Variants in TBK1 observed in about 807,000 individuals in gnomAD.
TBK1 encodes the protein serine/threonine-protein kinase TBK1.
In TBK1, 37 loss-of-function variants were observed where a neutral mutation model predicts 99.9. That is an observed-to-expected ratio of 0.37 (90% CI 0.28 to 0.49). The LOEUF is 0.49. Among genes scored for constraint, TBK1 ranks in the 20% least tolerant of loss-of-function variants. The pLI is 0.98. For synonymous variants in TBK1, 258 were observed against 279.8 expected (o/e 0.92, Z 0.78); for missense variants, 644 against 872.5 (o/e 0.74, Z 3.30).
chr12:64,475,479 G>A (rs916931521), intron 6 of TBK1, among the ~76,000 whole-genome samples: 1 of 152,110 alleles, frequency 6.6e-6, no homozygotes, highest in Non-Finnish European at 1.5e-5. Flanking sequence ...GTCCATCTTT[G>A]ATGCATTAAA....
chr12:64,501,300 T>G (rs2040985640), intron 20 of TBK1, 30 bp from the exon 21 acceptor site: 3 of 1,611,554 alleles, frequency 1.9e-6, no homozygotes, highest in Non-Finnish European at 2.5e-6. Context: ...CTTTTGAGAT[T>G]ACCTTTTTTT....
chr12:64,470,941 A>C (rs1225922216), intron 5 of TBK1, among the ~76,000 whole-genome samples: 1 of 152,218 alleles, frequency 6.6e-6, no homozygotes, highest in Non-Finnish European at 1.5e-5. Context: ...CTCTAGGCTG[A>C]AATTTAACCC....
intron 8 of TBK1, among the ~76,000 whole-genome samples, chr12:64,483,135 A>G (rs1416734431): frequency 6.6e-6 from 1 of 152,258 alleles, no homozygotes; most frequent in Non-Finnish European, 1.5e-5. Context: ...ACATTTTAAA[A>G]TAGCTAAAAA....
chr12:64,499,600 C>T (rs2040966129), intron 20 of TBK1, among the ~76,000 whole-genome samples: 2 of 148,552 alleles, frequency 1.3e-5, no homozygotes, highest in South Asian at 4.2e-4. Flanking sequence ...AATTATCTAA[C>T]TTTTATAGTA....
chr12:64,460,465 T>C, intron 3 of TBK1, 136 bp downstream of exon 3: 1 of 572,352 alleles, frequency 1.7e-6, no homozygotes, highest in South Asian at 3.5e-5. Context: ...CCTAAAGGAT[T>C]CTTGAATATA....
chr12:64,496,491 T>G, intron 16 of TBK1, 85 bp downstream of exon 16: 1 of 625,608 alleles, frequency 1.6e-6, no homozygotes. Context: ...AAGTTGAAAT[T>G]AATTACAATT....
intron 9 of TBK1, 119 bp downstream of exon 9, chr12:64,484,618 G>A (rs1002897058): frequency 2.1e-6 from 2 of 937,166 alleles, no homozygotes. Flanking sequence ...GGGGCATGGT[G>A]GCTTGCACCT....
rs1396706988 is a variant in TBK1, at chr12:64,490,041, A to C, written c.1443A>C (p.Val481=). 6.2e-7 allele frequency: 1 copy of C among 1,602,176 alleles called. No individual in the cohort carries two copies. The highest frequency in any genetic ancestry group is 1.3e-5 in the African/African-American group (1 of 74,530). ...CIRNIEKTVK[V]YEKLMKINLE... is the part of the protein sequence containing the mutation. ...TTTTCTCTTTTGACTTTTCATACAG[A>C]TATGAAAAGTTGATGAAGATCAACC... The change falls in exon 13 of 21, where the codon GTA becomes GTC. Residue 481 remains valine (V), a splice_region_variant and synonymous_variant. Transcript: ENST00000331710.
At chr12:64,496,795 GTCTA>G (rs1229442025) in intron 16 of TBK1, among the ~76,000 whole-genome samples, 150 bp from the exon 17 acceptor site, 1 of 152,096 alleles carries the variant, frequency 6.6e-6, no homozygotes, top group Non-Finnish European at 1.5e-5. Context: ...CTGCTATAAT[GTCTA>G]TCTTAGAAAC....
At position 64,501,206 on chromosome 12, in the gene TBK1, G is replaced by A. The variant is rs564408515; in HGVS notation, c.2139-124G>A. 318 of 858,172 alleles carry A rather than the reference G, an allele frequency of 3.7e-4. 4 individuals carry two copies. The South Asian group carries it at 4.9e-3, about 13-fold the overall frequency. The allele number at this position is 858,172 out of a possible 1,614,324, so 53.2% of individuals were successfully genotyped here. A position where few individuals can be genotyped will look rare whatever the true frequency, so the allele number is the denominator to read the frequency against. On this transcript the variant is annotated intron_variant, in intron 20 of 20. Coordinates refer to ENST00000331710, the MANE Select transcript of TBK1 (RefSeq NM_013254.4). ...CCAGTAAGAAATAGAACAAATCATAGTTACTTAAACTCTTTAAAAATAAAT... is the reference window on the plus strand; with the variant it reads ...CCAGTAAGAAATAGAACAAATCATAATTACTTAAACTCTTTAAAAATAAAT...
Position 64,480,066 on chromosome 12 carries a change from A to G in TBK1, c.756A>G (p.Ala252=). ...PSGAISGVQK[A]ENGPIDWSGD... ...GTGCAATATCTGGAGTACAGAAAGC[A>G]GAAAATGGACCAATTGACTGGAGTG... Residue 252 remains alanine, a synonymous_variant, in exon 7 of 21, where the codon GCA becomes GCG. Coordinates refer to ENST00000331710, the MANE Select transcript of TBK1 (RefSeq NM_013254.4). 6.2e-7 allele frequency: 1 copy of G among 1,613,398 alleles called. No homozygotes were observed. Among genetic ancestry groups the G allele is most frequent in the Non-Finnish European group, 8.5e-7 (1 of 1,179,574 alleles).
rs79531778 is a variant in TBK1, at chr12:64,455,737, A to T, written c.-31-103A>T. On this transcript the variant is annotated intron_variant, in intron 1 of 20. Transcript: ENST00000331710. ...ACTGTTTATACACTTCATGTCAGTA[A>T]CAGATAATGGGTGATCTTACTTGAG... The T allele has an allele frequency of 3.0e-3, 1,886 of 630,178 alleles. 29 individuals are homozygous for T. The African/African-American group carries it at 0.031, about 10-fold the overall frequency. The allele number at this position is 630,178 out of a possible 1,614,324, so 39.0% of individuals were successfully genotyped here. A position where few individuals can be genotyped will look rare whatever the true frequency, so the allele number is the denominator to read the frequency against.
At chr12:64,461,622 G>T (rs1032177509) in intron 3 of TBK1, among the ~76,000 whole-genome samples, 1 of 152,180 alleles carries the variant, frequency 6.6e-6, no homozygotes, top group Non-Finnish European at 1.5e-5. Flanking sequence ...TAAGAGCATA[G>T]CCTTCCACAC....
intron 13 of TBK1, among the ~76,000 whole-genome samples, chr12:64,492,878 C>T (rs967473909): frequency 1.3e-5 from 2 of 150,310 alleles, no homozygotes; most frequent in African/African-American, 2.5e-5. Flanking sequence ...CCCGCCACCA[C>T]GTCCAGCTAA....
chr12:64,500,943 G>A lies in TBK1; in HGVS notation c.2139-387G>A, dbSNP rs146354440. ...CCAGCTAATTTTTGTATTTTTAGTA[G>A]AGAAGGAGTTTTGCCATATTGGCCA... On this transcript the variant is annotated intron_variant, in intron 20 of 20. Transcript: ENST00000331710. 3.6e-3 allele frequency among the ~76,000 whole-genome samples: 545 copies of A among 152,116 alleles called. 4 individuals are homozygous for A. Among genetic ancestry groups the A allele is most frequent in the African/African-American group, 0.012 (517 of 41,494 alleles).
rs575813401 is a variant in TBK1 at position 64,484,207 on chromosome 12, T to C, written c.993-96T>C. 13 of 773,394 alleles carry C rather than the reference T, an allele frequency of 1.7e-5. No homozygotes were observed. The African/African-American group carries it at 1.9e-4, about 11-fold the overall frequency. 47.9% of individuals were successfully genotyped at this position (773,394 alleles called of 1,614,324 possible). A position where few individuals can be genotyped will look rare whatever the true frequency, so the allele number is the denominator to read the frequency against. The stretch of plus-strand genomic sequence containing the variant: ...TATGGACTGGTTATGATATTAGGGA[T>C]ATGAATTAGAAATGGATGTTGTTGC... On this transcript the variant is annotated intron_variant, in intron 8 of 20. Coordinates refer to ENST00000331710, the MANE Select transcript of TBK1 (RefSeq NM_013254.4).
chr12:64,485,987 A>T lies in TBK1; in HGVS notation c.1310A>T (p.Glu437Val), dbSNP rs1191413525. The change falls in exon 11 of 21, where the codon GAA (glutamate) becomes GTA (valine). Residue 437 changes from glutamate (E) to valine (V), a missense_variant. By Grantham distance (121) the Glu-to-Val change is moderately radical. This residue lies in a region of TBK1 where 465 missense variants were observed against 588.0 expected (regional missense o/e 0.79). Transcript: ENST00000331710. ...RIASTLLLYQ[E>V]LMRKGIRWLI... is the part of the protein sequence containing the mutation. ...GCCAGTACCTTACTGCTTTATCAGG[A>T]ATTAATGCGAAAGGGGATACGATGG... 1 of 1,592,174 alleles carries T rather than the reference A, an allele frequency of 6.3e-7. No homozygotes were observed. The highest frequency in any genetic ancestry group is 1.4e-5 in the African/African-American group (1 of 73,570).
intron 13 of TBK1, among the ~76,000 whole-genome samples, chr12:64,494,414 A>C (rs765660168): frequency 2.0e-5 from 3 of 152,158 alleles, no homozygotes; most frequent in Admixed American, 1.3e-4. Flanking sequence ...CAGGAGGCAG[A>C]GGTTGCGGGA....
intron 13 of TBK1, among the ~76,000 whole-genome samples, chr12:64,494,897 T>C (rs1286163653): frequency 2.0e-5 from 3 of 152,230 alleles, no homozygotes; most frequent in East Asian, 3.8e-4. Context: ...CTTTAAAATA[T>C]ATGGACATAT....
Sources: allele counts gnomAD v4.1 joint callset (sites outside exome capture counted in the v4.1 genomes callset), GRCh38; gene constraint gnomAD v4.1.1; regional missense constraint gnomAD v4.1.1; transcripts MANE v1.5; gene names NCBI Gene and HGNC (gene_info 2026-07-23, HGNC 2026-07-21).